HNRNPK: variants seen among roughly 807,000 people sequenced by gnomAD.
The protein encoded by HNRNPK is dC-stretch binding protein.
In HNRNPK, 7 loss-of-function variants were observed where a neutral mutation model predicts 67.0. That is an observed-to-expected ratio of 0.10 (90% CI 0.06 to 0.20). The LOEUF (loss-of-function observed/expected upper bound fraction) is 0.20, where lower values mean the gene tolerates loss of function less well. Among genes scored for constraint, HNRNPK ranks in the 10% least tolerant of loss-of-function variants. HNRNPK has a pLI of 1.00. For missense variants in HNRNPK, 264 were observed against 606.5 expected, an observed-to-expected ratio of 0.44 and a Z score of 5.93; for synonymous variants, 213 against 193.7, an observed-to-expected ratio of 1.10 and a Z score of -0.83.
chr9:83,971,276 T>C lies in HNRNPK; in HGVS notation c.1089A>G (p.Pro363=). The C allele has an allele frequency of 6.3e-7, 1 of 1,592,366 alleles. No homozygotes were observed. Among genetic ancestry groups the C allele is most frequent in the Non-Finnish European group, 8.6e-7 (1 of 1,160,400 alleles). The part of the protein sequence containing the change: ...SPSEWQMAYE[P]QGGSGYDYSY... ...ACGAACAACTATGATACTCAACCTG[T>C]GGTTCATAAGCCATCTGCCATTCTG... The change falls in exon 13 of 17, where the codon CCA becomes CCG. Residue 363 remains proline (P), a synonymous_variant. Transcript: ENST00000376263.
intron 12 of HNRNPK, 114 bp downstream of exon 12, chr9:83,971,558 C>A (rs1956843087): frequency 3.2e-6 from 3 of 928,148 alleles, no homozygotes; most frequent in Non-Finnish European, 5.2e-6. Flanking sequence ...GTAATCCAAA[C>A]AAAATTTACT....
chr9:83,978,891 A>C (rs927420026), intron 1 of HNRNPK, among the ~76,000 whole-genome samples: 1 of 152,242 alleles, frequency 6.6e-6, no homozygotes, highest in African/African-American at 2.4e-5. Context: ...AAAGTTTACA[A>C]ATACAACGGC....
Position 83,972,032 on chromosome 9 carries a change from C to T in HNRNPK, c.803G>A (p.Arg268Gln). The T allele has an allele frequency of 1.2e-6, 2 of 1,613,918 alleles. No individual in the cohort carries two copies. The highest frequency in any genetic ancestry group is 1.1e-5 in the South Asian group (1 of 91,066). ...AGATGGAGGCATGGGACGCCCACCC[C>T]GACCAGGAGGCATTCTGTCAAAACC... ...RGGFDRMPPG[R>Q]GGRPMPPSRR... The change falls in exon 11 of 17, where the codon CGG becomes CAG. Residue 268 changes from arginine (R) to glutamine (Q), a missense_variant. Physicochemically the swap from Arg to Gln is conservative, Grantham distance 43. Transcript: ENST00000376263.
intron 16 of HNRNPK, 162 bp from the exon 17 acceptor site, chr9:83,969,602 T>A (rs1375522882): frequency 1.6e-6 from 1 of 631,502 alleles, no homozygotes; most frequent in Non-Finnish European, 2.9e-6. Context: ...CAATGTTAAG[T>A]GTCAAGAAAA....
At chr9:83,975,605 G>T in intron 5 of HNRNPK, 100 bp from the exon 6 acceptor site, 1 of 1,019,394 alleles carries the variant, frequency 9.8e-7, no homozygotes, top group South Asian at 1.3e-5. Flanking sequence ...GCACATTTTT[G>T]GGCATAGCCA....
At chr9:83,972,790 G>T in intron 10 of HNRNPK, 54 bp downstream of exon 10, 1 of 1,413,300 alleles carries the variant, frequency 7.1e-7, no homozygotes, top group Non-Finnish European at 9.7e-7. Context: ...TTTTGCAGAA[G>T]GTTATCACTT....
In HNRNPK at chr9:83,974,499, A is replaced by T. The variant is rs528826510; in HGVS notation, c.330+18T>A. On this transcript the variant is annotated intron_variant, in intron 7 of 16. Transcript: ENST00000376263. ...CCCCCTCATATTGTCAAATACATTT[A>T]AAAAAAAATGAGCCTACCTCTTCCA... 2.3e-4 allele frequency: 268 copies of T among 1,177,778 alleles called. 1 individual carries two copies. The highest frequency in any genetic ancestry group is 1.1e-3 in the South Asian group (79 of 74,754). The allele number at this position is 1,177,778 out of a possible 1,614,324, so 73.0% of individuals were successfully genotyped here.
chr9:83,974,776 A>G (rs539086984), intron 6 of HNRNPK, among the ~76,000 whole-genome samples, 187 bp from the exon 7 acceptor site: 8 of 152,356 alleles, frequency 5.3e-5, no homozygotes, highest in South Asian at 2.1e-4. Flanking sequence ...TACAGACATG[A>G]TAACAATATT....
intron 1 of HNRNPK, among the ~76,000 whole-genome samples, chr9:83,979,889 G>A (rs1275203457): frequency 1.3e-5 from 2 of 152,278 alleles, no homozygotes; most frequent in East Asian, 3.9e-4. Context: ...TTTCCTCCAC[G>A]AGGTCCCTAG....
intron 10 of HNRNPK, 70 bp from the exon 11 acceptor site, chr9:83,972,259 C>T (rs972189956): frequency 2.6e-6 from 3 of 1,145,120 alleles, no homozygotes; most frequent in Non-Finnish European, 3.7e-6. Context: ...ATCCTTCTAA[C>T]ATCATCATCA....
At chr9:83,977,262 A>C (rs546385079) in intron 4 of HNRNPK, among the ~76,000 whole-genome samples, 17 of 152,214 alleles carry the variant, frequency 1.1e-4, no homozygotes, top group Non-Finnish European at 2.2e-4. Flanking sequence ...GGAGTACTCA[A>C]TGTCAGAAAT....
In HNRNPK at chr9:83,977,706, T is replaced by C. The variant is rs766562951; in HGVS notation, c.139A>G (p.Ile47Val). ...RNTDEMVELR[I>V]LLQSKNAGAV... ...ATTTATACCTTGCTCTGAAGCAGAA[T>C]GCGTAATTCAACCATCTCATCAGTG... The change falls in exon 4 of 17, where the codon ATT becomes GTT. Residue 47 changes from isoleucine (I) to valine (V), a missense_variant. Ile to Val is a conservative substitution (Grantham distance 29). Coordinates refer to ENST00000376263, the MANE Select transcript of HNRNPK (RefSeq NM_031263.4). 3 of 1,598,670 alleles carry C rather than the reference T, an allele frequency of 1.9e-6. No individual in the cohort carries two copies. In the East Asian group the frequency reaches 6.7e-5, roughly 36 times the overall value.
chr9:83,977,884 T>C (rs1957142890), intron 3 of HNRNPK, 98 bp from the exon 4 acceptor site: 1 of 768,434 alleles, frequency 1.3e-6, no homozygotes. Context: ...AGGCATGTTT[T>C]GAAAAGACCA....
intron 10 of HNRNPK, chr9:83,972,425 T>C: frequency 1.9e-6 from 1 of 530,348 alleles, no homozygotes; most frequent in South Asian, 2.7e-5. Flanking sequence ...CAGGGAGAAG[T>C]AATAGCTTGC....
chr9:83,972,759 G>T, intron 10 of HNRNPK, 85 bp downstream of exon 10: 1 of 992,516 alleles, frequency 1.0e-6, no homozygotes, highest in East Asian at 2.7e-5. Context: ...AAGACTATTA[G>T]ACTAAATGCT....
Position 83,975,470 on chromosome 9 carries a change from G to A in HNRNPK, c.249C>T (p.Gly83=). The A allele has an allele frequency of 6.2e-7, 1 of 1,613,948 alleles. No homozygotes were observed. Among genetic ancestry groups the A allele is most frequent in the Non-Finnish European group, 8.5e-7 (1 of 1,179,796 alleles). ...NASVSVPDSS[G]PERILSISAD... ...AAACTGTTGGGACATACCGCTCGGG[G>A]CCACTGCTGTCTGGGACTGAAACAC... Residue 83 remains glycine (G), a synonymous_variant, in exon 6 of 17, where the codon GGC becomes GGT. Coordinates refer to ENST00000376263, the MANE Select transcript of HNRNPK (RefSeq NM_031263.4).
At chr9:83,971,612 G>T in intron 12 of HNRNPK, 60 bp downstream of exon 12, 1 of 1,361,238 alleles carries the variant, frequency 7.3e-7, no homozygotes, top group South Asian at 1.2e-5. Flanking sequence ...AACAAAACGT[G>T]AACTACATTG....
At chr9:83,973,086 CATTA>C (rs760823353) in intron 9 of HNRNPK, 114 bp from the exon 10 acceptor site, 224 of 809,128 alleles carry the variant, frequency 2.8e-4, no homozygotes, top group Non-Finnish European at 4.0e-4. Flanking sequence ...ATAAAAACTT[CATTA>C]ATTATCACAG....
At chr9:83,971,153 C>G in intron 13 of HNRNPK, 120 bp downstream of exon 13, 2 of 850,874 alleles carry the variant, frequency 2.4e-6, no homozygotes, top group East Asian at 2.4e-5. Flanking sequence ...TTCAGGAAAC[C>G]AAAGTCCTCC....
Sources: allele counts gnomAD v4.1 joint callset (sites outside exome capture counted in the v4.1 genomes callset), GRCh38; gene constraint gnomAD v4.1.1; transcripts MANE v1.5; gene names NCBI Gene and HGNC (gene_info 2026-07-23, HGNC 2026-07-21).